The following NPAS2 variants were observed in gnomAD, a reference collection of about 807,000 sequenced individuals.
The protein encoded by NPAS2 is neuronal PAS domain-containing protein 2.
A neutral mutation model predicts 107.5 loss-of-function variants in NPAS2; 23 were observed. That is an observed-to-expected ratio of 0.21 (90% CI 0.15 to 0.30). The LOEUF is 0.30. NPAS2 is among the 10% of genes least tolerant of loss of function. The pLI is 1.00. For missense variants in NPAS2, 756 were observed against 1,043.3 expected (o/e 0.72, Z 3.79); for synonymous variants, 403 against 417.5 (o/e 0.97, Z 0.42).
rs1680986972 is a variant in NPAS2, at chr2:100,890,554, C to T, written c.-22-14179C>T. On this transcript the variant is annotated intron_variant, in intron 1 of 20. Transcript: ENST00000335681. ...AGGCCCAAATACAGTGAGGAGCCAG[C>T]CACTCAGAGCCACTTGAGGGGCTCC... Among the ~76,000 whole-genome samples the T allele has an allele frequency of 2.0e-5, 3 of 152,006 alleles. 1 individual carries two copies. In the South Asian group the frequency reaches 6.2e-4, roughly 32 times the overall value.
At position 100,875,224 on chromosome 2, in the gene NPAS2, T is replaced by C. The variant is rs148827465; in HGVS notation, c.-22-29509T>C. ...CATGATTCCACCTACCTGAGTCACTTAGAGTTGTCAGATTCCTAGATACAA... is the reference window on the plus strand; with the variant it reads ...CATGATTCCACCTACCTGAGTCACTCAGAGTTGTCAGATTCCTAGATACAA... On this transcript the variant is annotated intron_variant, in intron 1 of 20. Coordinates refer to ENST00000335681, the MANE Select transcript of NPAS2 (RefSeq NM_002518.4). 4.3e-4 allele frequency among the ~76,000 whole-genome samples: 65 copies of C among 152,192 alleles called. 1 individual carries two copies. The highest frequency in any genetic ancestry group is 2.1e-3 in the Admixed American group (32 of 15,298).
At chr2:100,924,511 T>G (rs55835405) in intron 2 of NPAS2, among the ~76,000 whole-genome samples, 24,491 of 152,264 alleles carry the variant, frequency 0.16, 2,514 homozygotes, top group Non-Finnish European at 0.23. Context: ...AACTTAGTAA[T>G]ATGTGTTTAA....
intron 1 of NPAS2, among the ~76,000 whole-genome samples, chr2:100,852,133 C>A (rs59079917): frequency 0.16 from 23,607 of 151,978 alleles, 2,154 homozygotes; most frequent in South Asian, 0.22. Context: ...ACGGTGGCTC[C>A]TGCCTGTAAT....
Position 100,993,544 on chromosome 2 carries a change from A to G in NPAS2, c.2292+17A>G. 2.0e-6 allele frequency: 3 copies of G among 1,510,446 alleles called. No homozygotes were observed. Among genetic ancestry groups the G allele is most frequent in the Non-Finnish European group, 2.7e-6 (3 of 1,124,748 alleles). 93.6% of individuals were successfully genotyped at this position (1,510,446 alleles called of 1,614,324 possible). A position where few individuals can be genotyped will look rare whatever the true frequency, so the allele number is the denominator to read the frequency against. ...TACCTGCAGGTGGGTGCCACGGCCC[A>G]GGGGGCCCCCGTGCAGGCCTGGGAG... On this transcript the variant is annotated intron_variant, in intron 20 of 20. Coordinates refer to ENST00000335681, the MANE Select transcript of NPAS2 (RefSeq NM_002518.4).
At chr2:100,949,058 G>A (rs574073394) in intron 6 of NPAS2, among the ~76,000 whole-genome samples, 32 of 152,236 alleles carry the variant, frequency 2.1e-4, no homozygotes, top group East Asian at 1.4e-3. Context: ...TATATGAGCC[G>A]CTTTATTTTA....
chr2:100,919,537 G>T (rs11679829), intron 2 of NPAS2, among the ~76,000 whole-genome samples: 12,194 of 152,194 alleles, frequency 0.08, 700 homozygotes, highest in East Asian at 0.26. Context: ...TGGGGTGGAG[G>T]AGCCTCACGG....
chr2:100,849,212 C>G (rs949856244), intron 1 of NPAS2, among the ~76,000 whole-genome samples: 1 of 152,216 alleles, frequency 6.6e-6, no homozygotes, highest in Non-Finnish European at 1.5e-5. Context: ...GCTCTCTCTT[C>G]TCTGGTTTAG....
At chr2:100,889,931 T>G (rs891229348) in intron 1 of NPAS2, among the ~76,000 whole-genome samples, 4 of 146,166 alleles carry the variant, frequency 2.7e-5, no homozygotes, top group Admixed American at 1.4e-4. Flanking sequence ...AGACGTCCCC[T>G]GAGATTGAGA....
intron 1 of NPAS2, among the ~76,000 whole-genome samples, chr2:100,845,640 T>C (rs941350304): frequency 3.3e-5 from 5 of 152,232 alleles, no homozygotes; most frequent in African/African-American, 1.2e-4. Flanking sequence ...TACTTGGCCA[T>C]GGGGCTTGTT....
At chr2:100,862,088 G>GAAATTAAAA (rs1365190118) in intron 1 of NPAS2, among the ~76,000 whole-genome samples, 3 of 152,134 alleles carry the variant, frequency 2.0e-5, no homozygotes, top group Non-Finnish European at 4.4e-5. Flanking sequence ...ATAGATTGTG[G>GAAATTAAAA]ATAAAGAATT....
chr2:100,975,006 C>T, intron 13 of NPAS2, 62 bp downstream of exon 13: 2 of 1,582,316 alleles, frequency 1.3e-6, no homozygotes, highest in East Asian at 2.3e-5. Context: ...GACAGCCCCA[C>T]AGAGGGTCCC....
chr2:100,926,012 G>A (rs905074299), intron 3 of NPAS2, among the ~76,000 whole-genome samples: 1 of 152,086 alleles, frequency 6.6e-6, no homozygotes, highest in African/African-American at 2.4e-5. Flanking sequence ...CCCTATTCTA[G>A]GCATTTTATA....
intron 12 of NPAS2, among the ~76,000 whole-genome samples, chr2:100,973,093 C>T (rs1487900970): frequency 1.3e-5 from 2 of 152,012 alleles, no homozygotes; most frequent in Middle Eastern, 3.4e-3. Context: ...GCAGGAGAAT[C>T]GCTTCAACCC....
At chr2:100,835,019 T>C (rs1032401292) in intron 1 of NPAS2, among the ~76,000 whole-genome samples, 1 of 152,308 alleles carries the variant, frequency 6.6e-6, no homozygotes, top group African/African-American at 2.4e-5. Context: ...CTGGCCCCTT[T>C]ATCATTTTTC....
At chr2:100,871,607 G>A (rs1179525090) in intron 1 of NPAS2, among the ~76,000 whole-genome samples, 1 of 151,920 alleles carries the variant, frequency 6.6e-6, no homozygotes, top group Non-Finnish European at 1.5e-5. Context: ...CTAGGATTAC[G>A]GATGTGAGCC....
intron 1 of NPAS2, among the ~76,000 whole-genome samples, chr2:100,866,777 A>T (rs769334156): frequency 1.3e-5 from 2 of 152,240 alleles, no homozygotes; most frequent in Non-Finnish European, 2.9e-5. Flanking sequence ...CATTCTATCC[A>T]GCAAGTAACA....
At chr2:100,877,618 C>G (rs1335508980) in intron 1 of NPAS2, among the ~76,000 whole-genome samples, 2 of 152,164 alleles carry the variant, frequency 1.3e-5, no homozygotes, top group Non-Finnish European at 2.9e-5. Flanking sequence ...CACGGGGGAC[C>G]TTGTCACTTG....
intron 2 of NPAS2, 121 bp from the exon 3 acceptor site, chr2:100,925,023 AAG>A: frequency 9.5e-7 from 1 of 1,052,248 alleles, no homozygotes; most frequent in Non-Finnish European, 1.3e-6. Flanking sequence ...ACCTTCCTGA[AAG>A]AGTTTTTTGA....
chr2:100,892,248 T>C (rs1269054213), intron 1 of NPAS2, among the ~76,000 whole-genome samples: 1 of 152,220 alleles, frequency 6.6e-6, no homozygotes. Context: ...AATTATTTGC[T>C]GACCAAACGA....
Sources: gnomAD v4.1 joint callset for allele counts (sites outside exome capture counted in the v4.1 genomes callset) on GRCh38, gnomAD v4.1.1 for gene constraint, MANE v1.5 for transcripts, NCBI Gene and HGNC (gene_info 2026-07-23, HGNC 2026-07-21) for gene names.